GRM7: variants seen among roughly 807,000 people sequenced by gnomAD.
The protein encoded by GRM7 is metabotropic glutamate receptor 7.
In GRM7, 35 loss-of-function variants were observed where a neutral mutation model predicts 84.5. The observed-to-expected ratio is 0.41, with a 90% CI of 0.32 to 0.55. The LOEUF is 0.55. GRM7 is among the 20% of genes least tolerant of loss of function. The pLI is 0.19. For synonymous variants in GRM7, 487 were observed against 455.1 expected, an observed-to-expected ratio of 1.07 and a Z score of -0.89; for missense variants, 1,003 against 1,194.6, an observed-to-expected ratio of 0.84 and a Z score of 2.36.
At chr3:7,444,573 A>G (rs970780204) in intron 5 of GRM7, among the ~76,000 whole-genome samples, 2 of 152,186 alleles carry the variant, frequency 1.3e-5, no homozygotes, top group African/African-American at 4.8e-5. Context: ...GCTCTTGGCC[A>G]TAAAGTCCTT....
chr3:7,581,823 A>G (rs1695268729), intron 8 of GRM7, among the ~76,000 whole-genome samples: 1 of 152,108 alleles, frequency 6.6e-6, no homozygotes, highest in African/African-American at 2.4e-5. Flanking sequence ...CAAATTCATA[A>G]GCACAACATA....
At chr3:7,735,122 A>AT (rs1195775216) in intron 9 of GRM7, among the ~76,000 whole-genome samples, 7 of 152,226 alleles carry the variant, frequency 4.6e-5, no homozygotes, top group African/African-American at 1.7e-4. Context: ...TGAAATAGTT[A>AT]TAAGTAAACA....
chr3:7,163,076 T>C (rs933358671), intron 2 of GRM7, among the ~76,000 whole-genome samples: 3 of 151,930 alleles, frequency 2.0e-5, no homozygotes, highest in East Asian at 1.9e-4. Context: ...TCTAGTTTTT[T>C]CTACTCCTTT....
In GRM7 at chr3:7,449,655, T is replaced by G. The variant is rs536613848; in HGVS notation, c.1175-2952T>G. Among the ~76,000 whole-genome samples the G allele has an allele frequency of 3.3e-5, 5 of 152,168 alleles. No homozygotes were observed. The South Asian group carries it at 1.0e-3, about 32-fold the overall frequency. On this transcript the variant is annotated intron_variant, in intron 5 of 9. Coordinates refer to ENST00000357716, the MANE Select transcript of GRM7 (RefSeq NM_000844.4). ...AAACAGATTTTAAAATATCCAGAAA[T>G]TTGACCCAGTCGCATATGGAAATTT...
intron 4 of GRM7, chr3:7,403,137 G>GA (rs1195682212): frequency 9.0e-6 from 4 of 445,476 alleles, no homozygotes; most frequent in Non-Finnish European, 1.8e-5. Context: ...ATAATTTTCT[G>GA]ACAAGTTTGT....
At chr3:6,989,829 G>A (rs1327971015) in intron 1 of GRM7, among the ~76,000 whole-genome samples, 1 of 152,136 alleles carries the variant, frequency 6.6e-6, no homozygotes, top group Non-Finnish European at 1.5e-5. Flanking sequence ...TGTTATCTTG[G>A]GACCCATGAA....
chr3:7,070,469 A>G (rs1055790425), intron 1 of GRM7, among the ~76,000 whole-genome samples: 3 of 152,252 alleles, frequency 2.0e-5, no homozygotes, highest in East Asian at 1.9e-4. Context: ...ACTTATTTTT[A>G]TTTAATCATT....
At chr3:7,494,838 C>G (rs2124955687) in intron 7 of GRM7, among the ~76,000 whole-genome samples, 1 of 152,236 alleles carries the variant, frequency 6.6e-6, no homozygotes, top group African/African-American at 2.4e-5. Context: ...GCAGTTTGTT[C>G]ATTTGTCCAA....
intron 8 of GRM7, among the ~76,000 whole-genome samples, chr3:7,616,961 C>T (rs1052687566): frequency 2.6e-5 from 4 of 151,714 alleles, no homozygotes; most frequent in African/African-American, 7.3e-5. Flanking sequence ...TAAAGTTAAC[C>T]GGGAAGAAGA....
intron 7 of GRM7, among the ~76,000 whole-genome samples, chr3:7,507,385 A>C (rs2124972633): frequency 6.6e-6 from 1 of 152,360 alleles, no homozygotes; most frequent in Middle Eastern, 3.4e-3. Flanking sequence ...AAGTGTAAAC[A>C]GATGGGAGTC....
chr3:7,656,346 A>G (rs1699176832), intron 8 of GRM7, among the ~76,000 whole-genome samples: 1 of 151,906 alleles, frequency 6.6e-6, no homozygotes, highest in South Asian at 2.1e-4. Context: ...GCTATTAAAT[A>G]TTAGCCGGGC....
At chr3:7,619,065 A>G (rs1204981585) in intron 8 of GRM7, among the ~76,000 whole-genome samples, 1 of 152,200 alleles carries the variant, frequency 6.6e-6, no homozygotes, top group African/African-American at 2.4e-5. Context: ...ATAGACACAG[A>G]TGGGACAGGA....
chr3:7,488,858 C>CTTATTTATTTATTTATTTATTTATTTAT (rs3065639), intron 7 of GRM7, among the ~76,000 whole-genome samples: 1 of 147,484 alleles, frequency 6.8e-6, no homozygotes, highest in East Asian at 2.0e-4. Context: ...CTAGTAAGGT[C>CTTATTTATTTATTTATTTATTTATTTAT]TTATTTATTT....
At chr3:6,921,505 A>G (rs1432063345) in intron 1 of GRM7, among the ~76,000 whole-genome samples, 1 of 152,166 alleles carries the variant, frequency 6.6e-6, no homozygotes, top group Non-Finnish European at 1.5e-5. Context: ...TACATCTATT[A>G]AAACGTGTGG....
Position 7,390,177 on chromosome 3 carries a change from C to T in GRM7, c.1034-24846C>T, listed in dbSNP as rs79042476. Reference sequence around the variant, plus strand: ...TTTTTCTTTAAGAATGCTAAAAATGCGCCCCCAATCTCTTCTGGATTGTAA... The same window carrying T: ...TTTTTCTTTAAGAATGCTAAAAATGTGCCCCCAATCTCTTCTGGATTGTAA... On this transcript the variant is annotated intron_variant, in intron 4 of 9. Coordinates refer to ENST00000357716, the MANE Select transcript of GRM7 (RefSeq NM_000844.4). Among the ~76,000 whole-genome samples the T allele has an allele frequency of 3.4e-4, 51 of 152,118 alleles. No homozygotes were observed. In the East Asian group the frequency reaches 8.5e-3, roughly 25 times the overall value.
At chr3:7,567,065 T>C (rs1694315215) in intron 7 of GRM7, among the ~76,000 whole-genome samples, 1 of 152,212 alleles carries the variant, frequency 6.6e-6, no homozygotes, top group Admixed American at 6.5e-5. Context: ...TTTAACAAAC[T>C]TGTGTTCCAT....
At chr3:7,204,023 G>A (rs1696152047) in intron 2 of GRM7, among the ~76,000 whole-genome samples, 1 of 152,072 alleles carries the variant, frequency 6.6e-6, no homozygotes, top group Admixed American at 6.6e-5. Flanking sequence ...TTTATGATTG[G>A]AAACATTTCA....
At chr3:7,127,620 T>G (rs1328798628) in intron 1 of GRM7, among the ~76,000 whole-genome samples, 1 of 152,206 alleles carries the variant, frequency 6.6e-6, no homozygotes, top group Non-Finnish European at 1.5e-5. Context: ...AAGGTGCATT[T>G]TAAAAGTTAT....
chr3:7,429,562 C>A (rs1293625874), intron 5 of GRM7, among the ~76,000 whole-genome samples: 1 of 151,954 alleles, frequency 6.6e-6, no homozygotes, highest in African/African-American at 2.4e-5. Context: ...TTTTAATACC[C>A]CTGTGTCATT....
Sources: allele counts gnomAD v4.1 joint callset (sites outside exome capture counted in the v4.1 genomes callset), GRCh38; gene constraint gnomAD v4.1.1; transcripts MANE v1.5; gene names NCBI Gene and HGNC (gene_info 2026-07-23, HGNC 2026-07-21).